The following MSH3 variants were observed in gnomAD, a reference collection of about 807,000 sequenced individuals.
MSH3 encodes the protein DNA mismatch repair protein Msh3.
Under a neutral mutation model 123.3 loss-of-function variants are expected in MSH3, and 106 were observed. The observed-to-expected ratio is 0.86, with a 90% CI of 0.73 to 1.01. The LOEUF (loss-of-function observed/expected upper bound fraction) is 1.01. Ranked by LOEUF, MSH3 falls within the 50% of genes least tolerant of loss-of-function variation. MSH3 has a pLI of 0.00. For missense variants in MSH3, 1,459 were observed against 1,347.6 expected (o/e 1.08, Z -1.29); for synonymous variants, 515 against 481.4 (o/e 1.07, Z -0.91).
At chr5:80,830,093 A>T (rs1745392478) in intron 20 of MSH3, among the ~76,000 whole-genome samples, 1 of 152,024 alleles carries the variant, frequency 6.6e-6, no homozygotes, top group Admixed American at 6.6e-5. Flanking sequence ...TTCTATTTTT[A>T]ATATTAGTAA....
At chr5:80,672,481 C>G in intron 5 of MSH3, 121 bp downstream of exon 5, 1 of 769,334 alleles carries the variant, frequency 1.3e-6, no homozygotes, top group South Asian at 1.5e-5. Context: ...TTTTACAGAA[C>G]TGAAAGTGTT....
chr5:80,822,367 T>C (rs1398988047), intron 20 of MSH3, among the ~76,000 whole-genome samples: 1 of 152,240 alleles, frequency 6.6e-6, no homozygotes, highest in East Asian at 1.9e-4. Flanking sequence ...CCTCATATAT[T>C]ATTGTGGGAA....
intron 19 of MSH3, among the ~76,000 whole-genome samples, chr5:80,798,353 C>T (rs1368472521): frequency 2.8e-5 from 1 of 35,226 alleles, no homozygotes; most frequent in Admixed American, 2.8e-4. Context: ...GTGCTTGAAG[C>T]TGGTAAAGAT....
intron 13 of MSH3, among the ~76,000 whole-genome samples, chr5:80,762,248 T>C (rs1481895611): frequency 6.6e-6 from 1 of 152,020 alleles, no homozygotes; most frequent in Non-Finnish European, 1.5e-5. Context: ...ATGCCTAAAA[T>C]TAAAAAAATT....
chr5:80,725,472 C>A lies in MSH3; in HGVS notation c.1360C>A (p.Arg454=). 1 of 1,613,000 alleles carries A rather than the reference C, an allele frequency of 6.2e-7. No individual in the cohort carries two copies. Among genetic ancestry groups the A allele is most frequent in the Non-Finnish European group, 8.5e-7 (1 of 1,179,612 alleles). The change falls in exon 9 of 24, where the codon CGA becomes AGA. Residue 454 remains arginine, a synonymous_variant. Transcript: ENST00000265081. The part of the protein sequence containing the change: ...TSVSVQDDRI[R]VERMDNIYFE... ...TTTCAGTGTGCAGGATGACAGAATT[C>A]GAGTCGAAAGGATGGATAACATTTA...
chr5:80,824,344 G>A (rs912661015), intron 20 of MSH3, among the ~76,000 whole-genome samples: 14 of 150,254 alleles, frequency 9.3e-5, no homozygotes, highest in South Asian at 2.1e-4. Context: ...CCTCCCGGAC[G>A]GGGCGGCTGG....
intron 2 of MSH3, among the ~76,000 whole-genome samples, chr5:80,658,188 A>G (rs1749337101): frequency 6.6e-6 from 1 of 151,760 alleles, no homozygotes; most frequent in Admixed American, 6.6e-5. Flanking sequence ...CCTCCCGAAT[A>G]GCTGGGATTA....
At chr5:80,735,720 A>G (rs1485116580) in intron 10 of MSH3, among the ~76,000 whole-genome samples, 1 of 152,092 alleles carries the variant, frequency 6.6e-6, no homozygotes, top group Non-Finnish European at 1.5e-5. Context: ...AGAACAGAAG[A>G]GCGAGATGTA....
At chr5:80,818,369 G>GT (rs36105811) in intron 20 of MSH3, among the ~76,000 whole-genome samples, 16,797 of 123,634 alleles carry the variant, frequency 0.14, 1,159 homozygotes, top group East Asian at 0.23. Flanking sequence ...AATGACTGGT[G>GT]TTTTTTTTTT....
At chr5:80,675,545 T>TA (rs1175708943) in intron 7 of MSH3, among the ~76,000 whole-genome samples, 1 of 152,144 alleles carries the variant, frequency 6.6e-6, no homozygotes, top group African/African-American at 2.4e-5. Flanking sequence ...TACACACTTT[T>TA]AAACAACCAG....
chr5:80,849,994 G>C (rs1745802460), intron 20 of MSH3, among the ~76,000 whole-genome samples: 4 of 152,046 alleles, frequency 2.6e-5, no homozygotes, highest in Admixed American at 2.6e-4. Context: ...GTCACCTCTT[G>C]AATTATTTTC....
chr5:80,708,964 A>G lies in MSH3; in HGVS notation c.1341-16489A>G, dbSNP rs532352582. On this transcript the variant is annotated intron_variant, in intron 8 of 23. Coordinates refer to ENST00000265081, the MANE Select transcript of MSH3 (RefSeq NM_002439.5). The stretch of plus-strand genomic sequence containing the variant: ...TAATTTTTGTATTTTCAGTAGAGAC[A>G]GGGTTTCACCATGTTGGCCAGGCTG... 2.6e-5 allele frequency among the ~76,000 whole-genome samples: 4 copies of G among 151,996 alleles called. No homozygotes were observed. The East Asian group carries it at 7.8e-4, about 30-fold the overall frequency.
At chr5:80,718,432 G>A (rs550346928) in intron 8 of MSH3, among the ~76,000 whole-genome samples, 4 of 149,624 alleles carry the variant, frequency 2.7e-5, no homozygotes, top group African/African-American at 7.4e-5. Context: ...ATAAAAATAC[G>A]TTTTAAACCT....
At chr5:80,802,608 T>A (rs1744810126) in intron 19 of MSH3, among the ~76,000 whole-genome samples, 1 of 152,192 alleles carries the variant, frequency 6.6e-6, no homozygotes, top group Non-Finnish European at 1.5e-5. Context: ...TATTTTTAAA[T>A]GTACAATAAA....
chr5:80,846,316 C>T (rs188760773), intron 20 of MSH3, among the ~76,000 whole-genome samples: 63 of 151,702 alleles, frequency 4.2e-4, no homozygotes, highest in African/African-American at 1.2e-3. Context: ...AGGTGTCTGT[C>T]GGTCCCTACT....
At chr5:80,872,304 C>T (rs971007849) in intron 22 of MSH3, among the ~76,000 whole-genome samples, 3 of 150,778 alleles carry the variant, frequency 2.0e-5, no homozygotes, top group African/African-American at 7.3e-5. Flanking sequence ...AACCCCATCT[C>T]TACAAAAAAA....
chr5:80,828,296 C>T (rs1745356279), intron 20 of MSH3, among the ~76,000 whole-genome samples: 1 of 152,150 alleles, frequency 6.6e-6, no homozygotes, highest in Admixed American at 6.5e-5. Context: ...TAACCCACTC[C>T]TATGATAACC....
intron 15 of MSH3, among the ~76,000 whole-genome samples, chr5:80,772,815 C>G (rs984524322): frequency 1.2e-4 from 19 of 152,140 alleles, no homozygotes; most frequent in African/African-American, 4.6e-4. Flanking sequence ...GAAGACAACT[C>G]TGAGGAGGAA....
intron 19 of MSH3, among the ~76,000 whole-genome samples, chr5:80,799,338 A>G (rs1470884831): frequency 3.3e-5 from 5 of 152,124 alleles, no homozygotes; most frequent in African/African-American, 9.7e-5. Flanking sequence ...TTGACTCAAG[A>G]GTCTCTTACC....
Sources: gnomAD v4.1 joint callset for allele counts (sites outside exome capture counted in the v4.1 genomes callset) on GRCh38, gnomAD v4.1.1 for gene constraint, MANE v1.5 for transcripts, NCBI Gene and HGNC (gene_info 2026-07-23, HGNC 2026-07-21) for gene names.